The following CSMD3 variants were observed in gnomAD, a reference collection of about 807,000 sequenced individuals.
The protein encoded by CSMD3 is CUB and sushi domain-containing protein 3.
In CSMD3, 177 loss-of-function variants were observed where a neutral mutation model predicts 435.2. The ratio of observed to expected loss-of-function variants is 0.41; its 90% CI spans 0.36 to 0.46. The LOEUF (loss-of-function observed/expected upper bound fraction) is 0.46, where lower values mean the gene tolerates loss of function less well. CSMD3 is among the 20% of genes least tolerant of loss of function. CSMD3 has a pLI of 0.34. For synonymous variants in CSMD3, 1,656 were observed against 1,520.5 expected (o/e 1.09, Z -2.07); for missense variants, 4,265 against 4,504.6 (o/e 0.95, Z 1.52).
At chr8:112,450,969 T>C (rs192521011) in intron 32 of CSMD3, among the ~76,000 whole-genome samples, 1 of 152,300 alleles carries the variant, frequency 6.6e-6, no homozygotes, top group East Asian at 1.9e-4. Context: ...TTTATTACAA[T>C]GATATTTGCA....
At chr8:112,497,533 T>G (rs1002884340) in intron 30 of CSMD3, among the ~76,000 whole-genome samples, 2 of 150,904 alleles carry the variant, frequency 1.3e-5, no homozygotes, top group African/African-American at 2.4e-5. Context: ...AATTAAAAAT[T>G]TTAAAAAGGA....
intron 13 of CSMD3, among the ~76,000 whole-genome samples, chr8:112,730,635 G>A (rs1044823843): frequency 4.6e-5 from 7 of 152,100 alleles, no homozygotes; most frequent in South Asian, 2.1e-4. Flanking sequence ...GGAAAACCCC[G>A]TTTTCTCAAC....
At chr8:112,484,175 TGAA>T (rs1294008911) in intron 31 of CSMD3, among the ~76,000 whole-genome samples, 1 of 152,172 alleles carries the variant, frequency 6.6e-6, no homozygotes, top group East Asian at 1.9e-4. Context: ...GAAATTTAGA[TGAA>T]GAAGAAAAAT....
intron 3 of CSMD3, among the ~76,000 whole-genome samples, chr8:113,275,522 G>A (rs568204513): frequency 2.0e-5 from 3 of 152,116 alleles, no homozygotes; most frequent in East Asian, 1.9e-4. Flanking sequence ...GTTCAGTGTT[G>A]ACAATTTGAG....
At chr8:112,923,136 T>C (rs1438425068) in intron 9 of CSMD3, among the ~76,000 whole-genome samples, 2 of 152,274 alleles carry the variant, frequency 1.3e-5, no homozygotes, top group South Asian at 2.1e-4. Flanking sequence ...CCACAATTTC[T>C]CATTCATATG....
chr8:112,341,321 T>C (rs1825088274), intron 42 of CSMD3, among the ~76,000 whole-genome samples, 156 bp downstream of exon 42: 1 of 151,892 alleles, frequency 6.6e-6, no homozygotes, highest in African/African-American at 2.4e-5. Flanking sequence ...GAGAGTTGCA[T>C]TGTTCTAAAA....
At chr8:113,086,332 T>C (rs1043427371) in intron 5 of CSMD3, among the ~76,000 whole-genome samples, 3 of 151,900 alleles carry the variant, frequency 2.0e-5, no homozygotes, top group African/African-American at 7.3e-5. Context: ...AATCAATCTA[T>C]AGAAATAGAG....
rs2088706455 is a variant in CSMD3, at chr8:113,063,461, A to AT, written c.917+35294dup. ...CTTTAATATCTACTTTAATTACTGCATTTTCAGATTTATATTTAATTTGCT... is the reference window on the plus strand; with the variant it reads ...CTTTAATATCTACTTTAATTACTGCATTTTTCAGATTTATATTTAATTTGCT... On this transcript the variant is annotated intron_variant, in intron 5 of 70. Transcript: ENST00000297405. Among the ~76,000 whole-genome samples, 4 of 152,116 alleles carry AT rather than the reference A, an allele frequency of 2.6e-5. No individual in the cohort carries two copies. The South Asian group carries it at 8.3e-4, about 31-fold the overall frequency.
intron 13 of CSMD3, among the ~76,000 whole-genome samples, chr8:112,736,613 G>A (rs901656254): frequency 6.6e-6 from 1 of 151,958 alleles, no homozygotes; most frequent in Admixed American, 6.6e-5. Context: ...CCTTTTTAAT[G>A]TTCTTTGGTG....
chr8:112,225,998 A>T (rs889084617), intron 70 of CSMD3, among the ~76,000 whole-genome samples: 1 of 152,198 alleles, frequency 6.6e-6, no homozygotes. Flanking sequence ...CCTAAAAGGG[A>T]TATATCTTAA....
At chr8:113,311,753 C>G (rs2093870972) in intron 2 of CSMD3, 2 of 152,106 alleles carry the variant, frequency 1.3e-5, no homozygotes, top group African/African-American at 2.4e-5. Flanking sequence ...GTCTTGCTAA[C>G]TAAAGTCAGC....
intron 10 of CSMD3, among the ~76,000 whole-genome samples, chr8:112,896,944 C>T (rs1055096546): frequency 6.6e-6 from 1 of 151,384 alleles, no homozygotes; most frequent in Admixed American, 6.6e-5. Flanking sequence ...ATTATTTAAT[C>T]TTTACCCTCT....
chr8:112,243,609 T>C (rs1266058733), intron 65 of CSMD3, among the ~76,000 whole-genome samples: 1 of 152,110 alleles, frequency 6.6e-6, no homozygotes, highest in African/African-American at 2.4e-5. Flanking sequence ...CAGATAGTGC[T>C]TTCCTGACCA....
chr8:113,284,096 T>C (rs907065038), intron 2 of CSMD3, among the ~76,000 whole-genome samples: 2 of 151,490 alleles, frequency 1.3e-5, no homozygotes, highest in Non-Finnish European at 2.9e-5. Flanking sequence ...GAGAGGGAGG[T>C]GGGCACGGGA....
At chr8:113,018,365 AAAC>A (rs1399838473) in intron 6 of CSMD3, among the ~76,000 whole-genome samples, 1 of 152,066 alleles carries the variant, frequency 6.6e-6, no homozygotes. Flanking sequence ...GCATTAAAAA[AAAC>A]AAAAAACACA....
At chr8:112,509,712 A>T (rs1822898644) in intron 28 of CSMD3, among the ~76,000 whole-genome samples, 1 of 152,026 alleles carries the variant, frequency 6.6e-6, no homozygotes, top group African/African-American at 2.4e-5. Flanking sequence ...ACATCTCCTT[A>T]TAACTTTGGT....
intron 10 of CSMD3, among the ~76,000 whole-genome samples, chr8:112,880,045 C>T (rs935028532): frequency 5.3e-5 from 8 of 151,822 alleles, no homozygotes; most frequent in African/African-American, 1.5e-4. Context: ...ATTCTGCACA[C>T]GTATCCCAGA....
rs2130757274 is a variant in CSMD3 at position 112,301,826 on chromosome 8, C to G, written c.8407G>C (p.Gly2803Arg). The G allele has an allele frequency of 6.2e-7, 1 of 1,613,828 alleles. No homozygotes were observed. The highest frequency in any genetic ancestry group is 8.5e-7 in the Non-Finnish European group (1 of 1,179,910). The change falls in exon 53 of 71, where the codon GGT becomes CGT. Residue 2803 changes from glycine (G) to arginine (R), a missense_variant. Physicochemically the swap from Gly to Arg is moderately radical, Grantham distance 125 (BLOSUM62 -2). This residue lies in a region of CSMD3 where 3,255 missense variants were observed against 3,380.2 expected (regional missense o/e 0.96). Transcript: ENST00000297405. ...GSAVRECLSS[G>R]LWSESETRCL... Reference sequence around the variant, plus strand: ...CTGGTTTCAGATTCACTCCAAAGACCTGAGGAAAGGCATTCCCTTACAGCA... The same window carrying G: ...CTGGTTTCAGATTCACTCCAAAGACGTGAGGAAAGGCATTCCCTTACAGCA...
At chr8:112,370,387 T>C (rs1048053922) in intron 38 of CSMD3, among the ~76,000 whole-genome samples, 2 of 152,212 alleles carry the variant, frequency 1.3e-5, no homozygotes, top group Non-Finnish European at 2.9e-5. Flanking sequence ...AACATGGTAA[T>C]ACCTTGTAAA....
Sources: gnomAD v4.1 joint callset for allele counts (sites outside exome capture counted in the v4.1 genomes callset) on GRCh38, gnomAD v4.1.1 for gene constraint, gnomAD v4.1.1 regional missense constraint, MANE v1.5 for transcripts, NCBI Gene and HGNC (gene_info 2026-07-23, HGNC 2026-07-21) for gene names.